Variants in AGFG1 observed in about 807,000 individuals in gnomAD.
AGFG1 encodes the protein ArfGAP with FG repeats 1, also known as arf-GAP domain and FG repeat-containing protein 1.
In AGFG1, 10 loss-of-function variants were observed where a neutral mutation model predicts 60.6. The observed-to-expected ratio is 0.16, with a 90% CI of 0.10 to 0.28. The LOEUF (loss-of-function observed/expected upper bound fraction) is 0.28. Among genes scored for constraint, AGFG1 ranks in the 10% least tolerant of loss-of-function variants. The probability of loss-of-function intolerance (pLI) is 1.00; values close to 1 mark genes in which losing one functional copy is unlikely to be tolerated. For missense variants in AGFG1, 537 were observed against 676.5 expected (o/e 0.79, Z 2.29); for synonymous variants, 247 against 242.9 (o/e 1.02, Z -0.16).
intron 1 of AGFG1, among the ~76,000 whole-genome samples, chr2:227,480,591 C>CTT (rs11350446): frequency 1.8e-4 from 26 of 145,740 alleles, no homozygotes; most frequent in Admixed American, 8.2e-4. Context: ...GCATCAGCTA[C>CTT]TTTTTTTTTT....
chr2:227,496,098 G>C (rs1690965546), intron 2 of AGFG1, among the ~76,000 whole-genome samples: 1 of 140,144 alleles, frequency 7.1e-6, no homozygotes, highest in Admixed American at 7.3e-5. Flanking sequence ...GGGCAACAGA[G>C]TGAGACTGTC....
chr2:227,489,262 A>G (rs1383685900), intron 1 of AGFG1, among the ~76,000 whole-genome samples: 1 of 112,390 alleles, frequency 8.9e-6, no homozygotes. Context: ...ACGGAGTCTC[A>G]GTCTGCTGCC....
intron 1 of AGFG1, 152 bp downstream of exon 1, chr2:227,472,740 G>A (rs1387176721): frequency 4.5e-6 from 4 of 891,918 alleles, no homozygotes; most frequent in Non-Finnish European, 4.5e-6. Context: ...CGGGCGCGGC[G>A]TGGGAGGCTG....
At chr2:227,498,736 C>T (rs536541128) in intron 2 of AGFG1, among the ~76,000 whole-genome samples, 1 of 152,220 alleles carries the variant, frequency 6.6e-6, no homozygotes, top group Non-Finnish European at 1.5e-5. Flanking sequence ...GACAGAAAAC[C>T]CAGAGATTTA....
At chr2:227,477,697 C>G (rs1690327353) in intron 1 of AGFG1, among the ~76,000 whole-genome samples, 1 of 152,136 alleles carries the variant, frequency 6.6e-6, no homozygotes, top group Admixed American at 6.5e-5. Context: ...CCTCCACCTC[C>G]CAGGTTCAAG....
At chr2:227,507,602 C>CAAAAAAAAAA in intron 2 of AGFG1, among the ~76,000 whole-genome samples, 1 of 61,598 alleles carries the variant, frequency 1.6e-5, no homozygotes, top group Non-Finnish European at 3.0e-5. Context: ...GACTCTGTCT[C>CAAAAAAAAAA]AAAAAAAAAA....
chr2:227,554,302 T>G, intron 12 of AGFG1, 134 bp from the exon 13 acceptor site: 1 of 721,078 alleles, frequency 1.4e-6, no homozygotes, highest in African/African-American at 1.8e-5. Flanking sequence ...TAACAAATAT[T>G]ATTGCCAATA....
chr2:227,549,481 C>T (rs754963658), intron 10 of AGFG1, among the ~76,000 whole-genome samples: 2 of 152,164 alleles, frequency 1.3e-5, no homozygotes, highest in South Asian at 4.1e-4. Context: ...TTTCTCTCTT[C>T]TTTTCAGCCA....
chr2:227,551,002 T>C (rs1229670119), intron 10 of AGFG1, among the ~76,000 whole-genome samples: 1 of 152,196 alleles, frequency 6.6e-6, no homozygotes, highest in African/African-American at 2.4e-5. Flanking sequence ...TAATATTCAC[T>C]AGTAATAAAT....
intron 2 of AGFG1, among the ~76,000 whole-genome samples, chr2:227,498,188 C>A (rs112624909): frequency 6.6e-6 from 1 of 151,910 alleles, no homozygotes; most frequent in African/African-American, 2.4e-5. Flanking sequence ...TGCCCAAGAT[C>A]GTGCTTTTAT....
At chr2:227,506,883 T>C (rs1691331390) in intron 2 of AGFG1, among the ~76,000 whole-genome samples, 1 of 152,228 alleles carries the variant, frequency 6.6e-6, no homozygotes, top group African/African-American at 2.4e-5. Context: ...AACGTTCCTC[T>C]GTTCTCCCAG....
chr2:227,544,213 G>GGC (rs1313728657), intron 10 of AGFG1, among the ~76,000 whole-genome samples: 19 of 146,320 alleles, frequency 1.3e-4, no homozygotes, highest in Non-Finnish European at 1.8e-4. Flanking sequence ...GGAGTGCAGT[G>GGC]GCGCGATCTT....
At chr2:227,522,252 T>G (rs1691847415) in intron 3 of AGFG1, among the ~76,000 whole-genome samples, 2 of 152,210 alleles carry the variant, frequency 1.3e-5, no homozygotes, top group African/African-American at 4.8e-5. Flanking sequence ...AGAAGGTGGG[T>G]TGATAGTAAA....
At chr2:227,507,233 G>C (rs1033461630) in intron 2 of AGFG1, among the ~76,000 whole-genome samples, 6 of 152,000 alleles carry the variant, frequency 3.9e-5, no homozygotes, top group South Asian at 2.1e-4. Flanking sequence ...TGTTTTCATG[G>C]GTATACAGAG....
intron 2 of AGFG1, among the ~76,000 whole-genome samples, chr2:227,518,264 A>G (rs1691713359): frequency 1.3e-5 from 2 of 152,216 alleles, no homozygotes; most frequent in East Asian, 1.9e-4. Flanking sequence ...ACAAATATTT[A>G]TGTACAGTCT....
intron 2 of AGFG1, among the ~76,000 whole-genome samples, chr2:227,519,249 A>C (rs1193440338): frequency 6.6e-6 from 1 of 152,184 alleles, no homozygotes; most frequent in African/African-American, 2.4e-5. Context: ...TCCAGTTTCA[A>C]GTTCTTATAC....
chr2:227,472,492 CG>C lies in AGFG1; in HGVS notation c.72del (p.His25ThrfsTer18). ...ATGCTGCGGGACATGACCGGCCTCC[CG>C]CACAACCGAAAGTGCTTCGACTGCG... ...LKMLRDMTGL[P>X]HNRKCFDCDQ... is the part of the protein sequence containing the mutation. On this transcript the variant is annotated frameshift_variant, in exon 1 of 13. Coordinates refer to ENST00000310078, the MANE Select transcript of AGFG1 (RefSeq NM_004504.5). LOFTEE classifies it high-confidence loss of function. 1 of 1,580,796 alleles carries C rather than the reference CG, an allele frequency of 6.3e-7. No homozygotes were observed. The highest frequency in any genetic ancestry group is 1.4e-5 in the African/African-American group (1 of 71,652).
chr2:227,506,417 CTCT>C (rs1392525204), intron 2 of AGFG1, among the ~76,000 whole-genome samples: 4 of 152,080 alleles, frequency 2.6e-5, no homozygotes, highest in Non-Finnish European at 1.5e-5. Context: ...CTGGCCATCT[CTCT>C]TCTGGGATTT....
At chr2:227,536,730 G>A (rs752873100) in intron 9 of AGFG1, 26 bp downstream of exon 9, 2 of 1,609,810 alleles carry the variant, frequency 1.2e-6, no homozygotes, top group African/African-American at 1.3e-5. Context: ...ATATACACTG[G>A]TTTTTACAAA....
Sources: gnomAD v4.1 joint callset for allele counts (sites outside exome capture counted in the v4.1 genomes callset) on GRCh38, gnomAD v4.1.1 for gene constraint, MANE v1.5 for transcripts, NCBI Gene and HGNC (gene_info 2026-07-23, HGNC 2026-07-21) for gene names.